RALGPS1: variants seen among roughly 807,000 people sequenced by gnomAD.
RALGPS1 encodes ras-specific guanine nucleotide-releasing factor RalGPS1.
A neutral mutation model predicts 78.8 loss-of-function variants in RALGPS1; 19 were observed. The observed-to-expected ratio is 0.24, with a 90% CI of 0.17 to 0.35. RALGPS1 has a LOEUF of 0.35. Ranked by LOEUF, RALGPS1 falls within the 10% of genes least tolerant of loss-of-function variation. The pLI, the probability that RALGPS1 is intolerant of heterozygous loss-of-function variation, is 1.00. For synonymous variants in RALGPS1, 228 were observed against 256.3 expected, an observed-to-expected ratio of 0.89 and a Z score of 1.06; for missense variants, 454 against 688.3, an observed-to-expected ratio of 0.66 and a Z score of 3.81.
Position 127,220,116 on chromosome 9 carries a change from C to T in RALGPS1, c.*1347C>T, listed in dbSNP as rs1411053977. Reference sequence around the variant, plus strand: ...AATAAATCACTCTTTATCATAGTATCTTCTCTTCCCTCTTCCCCTTTAGTT... The same window carrying T: ...AATAAATCACTCTTTATCATAGTATTTTCTCTTCCCTCTTCCCCTTTAGTT... On this transcript the variant is annotated 3_prime_UTR_variant, in exon 19 of 19. Coordinates refer to ENST00000259351, the MANE Select transcript of RALGPS1 (RefSeq NM_014636.3). 1 of 152,544 alleles carries T rather than the reference C, an allele frequency of 6.6e-6. No individual in the cohort carries two copies. The highest frequency in any genetic ancestry group is 2.4e-5 in the African/African-American group (1 of 41,454). The allele number at this position is 152,544 out of a possible 1,614,324, so 9.4% of individuals were successfully genotyped here. A position where few individuals can be genotyped will look rare whatever the true frequency, so the allele number is the denominator to read the frequency against.
chr9:126,944,593 A>T (rs1480349352), intron 1 of RALGPS1, among the ~76,000 whole-genome samples: 3 of 11,432 alleles, frequency 2.6e-4, no homozygotes, highest in Non-Finnish European at 3.4e-4. Flanking sequence ...GTGGGGAGGG[A>T]GGGTGGGATA....
chr9:127,052,090 G>T (rs2048345843), intron 6 of RALGPS1, among the ~76,000 whole-genome samples: 1 of 152,220 alleles, frequency 6.6e-6, no homozygotes, highest in Non-Finnish European at 1.5e-5. Flanking sequence ...GGACATCAAG[G>T]CTCAGAAGGA....
chr9:127,091,499 C>T lies in RALGPS1; in HGVS notation c.610+22143C>T, dbSNP rs1213946187. On this transcript the variant is annotated intron_variant, in intron 8 of 18. Transcript: ENST00000259351. This position sits in a 1 kb window ranked among gnomAD's most constrained non-coding sequence, Gnocchi z 4.3. ...CTGTGACCCAGCTTTGTGAAGGGGA[C>T]CTGTGGGCAGGAGAAGGGACCCTCA... Among the ~76,000 whole-genome samples, 1 of 152,006 alleles carries T rather than the reference C, an allele frequency of 6.6e-6. No homozygotes were observed. Among genetic ancestry groups the T allele is most frequent in the African/African-American group, 2.4e-5 (1 of 41,368 alleles).
intron 1 of RALGPS1, among the ~76,000 whole-genome samples, chr9:126,957,173 C>T (rs368644948): frequency 7.9e-5 from 12 of 152,314 alleles, no homozygotes; most frequent in Middle Eastern, 3.4e-3. Flanking sequence ...GTGTGTGGAG[C>T]GGAGCCACCC....
chr9:126,951,733 G>T (rs905026711), intron 1 of RALGPS1, among the ~76,000 whole-genome samples: 6 of 152,186 alleles, frequency 3.9e-5, no homozygotes, highest in Non-Finnish European at 8.8e-5. Flanking sequence ...GTAAAAAACT[G>T]GAAGCATTCC....
At chr9:127,031,162 A>G (rs1488406574) in intron 4 of RALGPS1, among the ~76,000 whole-genome samples, 1 of 152,216 alleles carries the variant, frequency 6.6e-6, no homozygotes, top group Non-Finnish European at 1.5e-5. Context: ...TCCCTTCTAG[A>G]ATCAGCCTTG....
chr9:127,141,616 C>CAAAAA (rs61291398), intron 8 of RALGPS1, among the ~76,000 whole-genome samples: 72 of 68,584 alleles, frequency 1.0e-3, no homozygotes, highest in East Asian at 3.3e-3. Flanking sequence ...TTTTTAATGG[C>CAAAAA]AAAAAAAAAA....
At position 127,107,976 on chromosome 9, in the gene RALGPS1, T is replaced by A. The variant is rs2054387250; in HGVS notation, c.610+38620T>A. ...GAGTGGGCATAGTGGGCAGAGGGGG[T>A]GGCAGCACCTTCAGGTTCTGGTCAC... On this transcript the variant is annotated intron_variant, in intron 8 of 18. Coordinates refer to ENST00000259351, the MANE Select transcript of RALGPS1 (RefSeq NM_014636.3). 3.8e-6 allele frequency: 6 copies of A among 1,571,688 alleles called. No individual in the cohort carries two copies. In the South Asian group the frequency reaches 7.1e-5, roughly 19 times the overall value.
chr9:127,212,932 G>C lies in RALGPS1; in HGVS notation c.1447-12G>C. The C allele has an allele frequency of 6.2e-7, 1 of 1,614,142 alleles. No homozygotes were observed. On this transcript the variant is annotated splice_polypyrimidine_tract_variant and intron_variant, in intron 16 of 18. Transcript: ENST00000259351. The surrounding 1 kb of genome is among the most constrained non-coding windows in gnomAD (Gnocchi z 6.0). ...GGCCCCGGTCTCCGGATGTGTTGTT[G>C]CTCTCCTCCAGTATAAATCCACACC...
chr9:127,210,409 T>C, intron 14 of RALGPS1: 3 of 464,480 alleles, frequency 6.5e-6, no homozygotes, highest in East Asian at 7.8e-5. Flanking sequence ...CGTGCCTGGA[T>C]TTTAATCATG....
chr9:127,206,564 G>A (rs1410283449), intron 14 of RALGPS1, among the ~76,000 whole-genome samples: 1 of 152,086 alleles, frequency 6.6e-6, no homozygotes, highest in East Asian at 1.9e-4. Flanking sequence ...CAGTTACCTC[G>A]CACTGGGTCC....
chr9:127,099,254 C>T (rs1017577677), intron 8 of RALGPS1, among the ~76,000 whole-genome samples: 8 of 152,194 alleles, frequency 5.3e-5, no homozygotes, highest in Admixed American at 6.5e-5. Context: ...TGGGAAGTTG[C>T]TCCTGTGAAT....
At chr9:127,195,898 AG>A (rs367592898) in intron 12 of RALGPS1, among the ~76,000 whole-genome samples, 1 of 151,002 alleles carries the variant, frequency 6.6e-6, no homozygotes, top group African/African-American at 2.4e-5. Flanking sequence ...CAGGCCCTGG[AG>A]GAGCTCCAAG....
intron 14 of RALGPS1, among the ~76,000 whole-genome samples, chr9:127,203,268 C>A (rs985169770): frequency 6.6e-6 from 1 of 152,206 alleles, no homozygotes; most frequent in African/African-American, 2.4e-5. Flanking sequence ...CTGTATTCTT[C>A]AGATTTTCCA....
intron 4 of RALGPS1, among the ~76,000 whole-genome samples, chr9:126,982,928 CT>C (rs71377984): frequency 0.021 from 724 of 34,614 alleles, 5 homozygotes; most frequent in African/African-American, 0.051. Context: ...TCTTCTTCTT[CT>C]TTTTTTTTTT....
intron 1 of RALGPS1, among the ~76,000 whole-genome samples, chr9:126,957,781 T>C (rs1206351111): frequency 7.2e-5 from 11 of 152,072 alleles, no homozygotes; most frequent in Non-Finnish European, 1.5e-4. Flanking sequence ...CCAGGGGCTG[T>C]TTCCCTCCTC....
chr9:127,069,572 A>G, intron 8 of RALGPS1: 3 of 485,390 alleles, frequency 6.2e-6, no homozygotes, highest in East Asian at 7.7e-5. Context: ...TGCTTTTTAT[A>G]TAAAAGACCT....
intron 8 of RALGPS1, among the ~76,000 whole-genome samples, chr9:127,115,700 T>G (rs1768374): frequency 0.024 from 3,717 of 152,356 alleles, 54 homozygotes; most frequent in Middle Eastern, 0.048. Context: ...GCTTGCATGT[T>G]ACTCACTGTT....
At chr9:127,171,756 C>CA (rs1026064530) in intron 10 of RALGPS1, among the ~76,000 whole-genome samples, 6 of 151,404 alleles carry the variant, frequency 4.0e-5, no homozygotes, top group Admixed American at 2.0e-4. Context: ...GACTCCATCT[C>CA]AAAAAAAATA....
Sources: allele counts gnomAD v4.1 joint callset (sites outside exome capture counted in the v4.1 genomes callset), GRCh38; gene constraint gnomAD v4.1.1; non-coding constraint Gnocchi (gnomAD v3.1); transcripts MANE v1.5; gene names NCBI Gene and HGNC (gene_info 2026-07-23, HGNC 2026-07-21).